CEP57L1: variants seen among roughly 807,000 people sequenced by gnomAD.
The protein encoded by CEP57L1 is centrosomal protein CEP57L1.
A neutral mutation model predicts 61.0 loss-of-function variants in CEP57L1; 37 were observed. That is an observed-to-expected ratio of 0.61 (90% CI 0.47 to 0.80). CEP57L1 has a LOEUF of 0.80. Ranked by LOEUF, CEP57L1 falls within the 30% of genes least tolerant of loss-of-function variation. CEP57L1 has a pLI of 0.00. For synonymous variants in CEP57L1, 137 were observed against 162.3 expected (o/e 0.84, Z 1.19); for missense variants, 422 against 524.7 (o/e 0.80, Z 1.91).
intron 1 of CEP57L1, among the ~76,000 whole-genome samples, chr6:109,107,854 T>A (rs1484064863): frequency 2.6e-5 from 4 of 152,030 alleles, no homozygotes; most frequent in Non-Finnish European, 5.9e-5. Context: ...GGCAGGAGAA[T>A]CACTTGAACC....
chr6:109,096,988 T>C (rs183629155), intron 1 of CEP57L1, among the ~76,000 whole-genome samples: 209 of 152,338 alleles, frequency 1.4e-3, no homozygotes, highest in African/African-American at 4.8e-3. Context: ...ATATTTCTTC[T>C]TGGATATCTC....
chr6:109,123,256 C>A (rs1232765729), intron 1 of CEP57L1, among the ~76,000 whole-genome samples: 1 of 151,982 alleles, frequency 6.6e-6, no homozygotes, highest in Non-Finnish European at 1.5e-5. Flanking sequence ...CTAGCTGGGG[C>A]CAAATCCTTA....
At chr6:109,131,172 T>C (rs565132228) in intron 1 of CEP57L1, among the ~76,000 whole-genome samples, 2 of 152,354 alleles carry the variant, frequency 1.3e-5, no homozygotes, top group South Asian at 4.1e-4. Flanking sequence ...TAATACATTA[T>C]ACATGAATGT....
chr6:109,117,428 G>C (rs2114674218), intron 1 of CEP57L1, among the ~76,000 whole-genome samples: 1 of 152,290 alleles, frequency 6.6e-6, no homozygotes, highest in African/African-American at 2.4e-5. Flanking sequence ...AGGAACCTGA[G>C]GCTGTCTTAG....
rs1774420752 is a variant in CEP57L1, at chr6:109,171,825, G to A, written c.*8855G>A. On this transcript the variant is annotated 3_prime_UTR_variant, in exon 11 of 11. Transcript: ENST00000517392. ...TATCAGAGGTCATCATGTATCCTTA[G>A]ATATCAGCATTGCCAAGACCAGGGA... 6.6e-6 allele frequency among the ~76,000 whole-genome samples: 1 copy of A among 152,130 alleles called. No homozygotes were observed. The highest frequency in any genetic ancestry group is 1.5e-5 in the Non-Finnish European group (1 of 68,032).
chr6:109,121,269 G>A (rs541115232), intron 1 of CEP57L1, among the ~76,000 whole-genome samples: 30 of 152,148 alleles, frequency 2.0e-4, no homozygotes, highest in Non-Finnish European at 3.1e-4. Flanking sequence ...AACTCATTTG[G>A]ATGATGTGCT....
chr6:109,149,073 T>C (rs1262887474), intron 3 of CEP57L1, among the ~76,000 whole-genome samples: 2 of 152,228 alleles, frequency 1.3e-5, no homozygotes, highest in Non-Finnish European at 2.9e-5. Context: ...GTAGGTTGCC[T>C]GTTCACTCTG....
Position 109,105,387 on chromosome 6 carries a change from C to T in CEP57L1, c.-4+9812C>T, listed in dbSNP as rs115708266. 8.3e-3 allele frequency among the ~76,000 whole-genome samples: 1,268 copies of T among 152,086 alleles called. 24 individuals carry two copies. The highest frequency in any genetic ancestry group is 0.029 in the African/African-American group (1,212 of 41,474). On this transcript the variant is annotated intron_variant, in intron 1 of 10. Transcript: ENST00000517392. Reference sequence around the variant, plus strand: ...GTAGAGATATATGTTTATATTTTACCGTGTGGATAGCACTGTATAGTGAAT... The same window carrying T: ...GTAGAGATATATGTTTATATTTTACTGTGTGGATAGCACTGTATAGTGAAT...
chr6:109,112,015 G>C (rs1157416223), intron 1 of CEP57L1, among the ~76,000 whole-genome samples: 1 of 152,188 alleles, frequency 6.6e-6, no homozygotes, highest in African/African-American at 2.4e-5. Context: ...CCAGGTTTTG[G>C]TATCAGGATG....
At position 109,150,028 on chromosome 6, in the gene CEP57L1, A is replaced by G. The variant is rs902886503; in HGVS notation, c.341-90A>G. On this transcript the variant is annotated intron_variant, in intron 3 of 10. Coordinates refer to ENST00000517392, the MANE Select transcript of CEP57L1 (RefSeq NM_001271852.3). ...CTTAAGGAGATTTTGGGCTGAGACA[A>G]TGGGGTTTTCTAGATATACAATCAT... 7.1e-5 allele frequency: 49 copies of G among 693,998 alleles called. No individual in the cohort carries two copies. In the East Asian group the frequency reaches 1.2e-3, roughly 16 times the overall value. The allele number at this position is 693,998 out of a possible 1,614,324, so 43.0% of individuals were successfully genotyped here. A position where few individuals can be genotyped will look rare whatever the true frequency, so the allele number is the denominator to read the frequency against.
rs1330265345 is a variant in CEP57L1, at chr6:109,174,205, CTT to C, written c.*11238_*11239del. On this transcript the variant is annotated 3_prime_UTR_variant, in exon 11 of 11. Coordinates refer to ENST00000517392, the MANE Select transcript of CEP57L1 (RefSeq NM_001271852.3). The stretch of plus-strand genomic sequence containing the variant: ...CAGTGTCTAAGATGGATACTTTACT[CTT>C]TTCTTTTGAGAAGGGAGAGAGTATG... 6.6e-6 allele frequency among the ~76,000 whole-genome samples: 1 copy of C among 151,960 alleles called. No individual in the cohort carries two copies. The highest frequency in any genetic ancestry group is 1.5e-5 in the Non-Finnish European group (1 of 67,994).
In CEP57L1 at chr6:109,116,147, A is replaced by G. The variant is rs1246682295; in HGVS notation, c.-4+20572A>G. ...GTGTTGTGTTATGTTATGTTATGTT[A>G]TGTTATGTTATGTTATGTTATGTTA... On this transcript the variant is annotated intron_variant, in intron 1 of 10. Coordinates refer to ENST00000517392, the MANE Select transcript of CEP57L1 (RefSeq NM_001271852.3). 1.6e-3 allele frequency among the ~76,000 whole-genome samples: 240 copies of G among 148,342 alleles called. 2 individuals carry two copies. The highest frequency in any genetic ancestry group is 5.8e-3 in the African/African-American group (225 of 39,032).
chr6:109,096,024 C>T (rs1379275106), intron 1 of CEP57L1, among the ~76,000 whole-genome samples: 3 of 152,104 alleles, frequency 2.0e-5, no homozygotes, highest in Non-Finnish European at 4.4e-5. Flanking sequence ...GTAAAAGAAT[C>T]CCCAGTATTC....
chr6:109,129,267 A>G (rs1583493305), intron 1 of CEP57L1: 1 of 741,940 alleles, frequency 1.3e-6, no homozygotes, highest in East Asian at 7.1e-5. Flanking sequence ...TATCGCCTTT[A>G]GTATCTTTAT....
intron 4 of CEP57L1, among the ~76,000 whole-genome samples, chr6:109,150,661 C>CAAAAAAAA: frequency 1.7e-5 from 1 of 59,844 alleles, no homozygotes; most frequent in African/African-American, 5.6e-5. Context: ...GACTCTGTCT[C>CAAAAAAAA]AAAAAAAAAA....
At chr6:109,125,500 A>G (rs1773445892) in intron 1 of CEP57L1, among the ~76,000 whole-genome samples, 1 of 145,630 alleles carries the variant, frequency 6.9e-6, no homozygotes, top group African/African-American at 2.5e-5. Context: ...TGCTATATAT[A>G]TATATATACA....
chr6:109,103,466 T>A (rs558561340), intron 1 of CEP57L1, among the ~76,000 whole-genome samples: 126 of 152,354 alleles, frequency 8.3e-4, no homozygotes, highest in Non-Finnish European at 1.6e-3. Flanking sequence ...TGAATGATAT[T>A]CTTTTCAGCC....
At position 109,129,529 on chromosome 6, in the gene CEP57L1, G is replaced by T. The variant is rs549359779; in HGVS notation, c.-3-15690G>T. The stretch of plus-strand genomic sequence containing the variant: ...TTCTGGCTGCATGGAAAGACAGAGG[G>T]TATTTGGGCATATAATTTACTTCTA... On this transcript the variant is annotated intron_variant, in intron 1 of 10. Coordinates refer to ENST00000517392, the MANE Select transcript of CEP57L1 (RefSeq NM_001271852.3). The T allele has an allele frequency of 8.8e-5, 40 of 456,864 alleles. 1 individual carries two copies. Among genetic ancestry groups the T allele is most frequent in the South Asian group, 6.1e-4 (39 of 64,394 alleles). 28.3% of individuals were successfully genotyped at this position (456,864 alleles called of 1,614,324 possible).
rs1373407339 is a variant in CEP57L1, at chr6:109,171,127, G to A, written c.*8157G>A. Among the ~76,000 whole-genome samples, 1 of 152,068 alleles carries A rather than the reference G, an allele frequency of 6.6e-6. No homozygotes were observed. The highest frequency in any genetic ancestry group is 1.5e-5 in the Non-Finnish European group (1 of 68,016). ...GTTCTTTTTTCTTTGTTCTTTTACA[G>A]AATGGCTCTCAAGTCGAAAGAGGGC... On this transcript the variant is annotated 3_prime_UTR_variant, in exon 11 of 11. Coordinates refer to ENST00000517392, the MANE Select transcript of CEP57L1 (RefSeq NM_001271852.3).
Sources: gnomAD v4.1 joint callset for allele counts (sites outside exome capture counted in the v4.1 genomes callset) on GRCh38, gnomAD v4.1.1 for gene constraint, MANE v1.5 for transcripts, NCBI Gene and HGNC (gene_info 2026-07-23, HGNC 2026-07-21) for gene names.